ANKS6: variants seen among roughly 807,000 people sequenced by gnomAD.
ANKS6 encodes the protein ankyrin repeat and sterile alpha motif domain containing 6.
In ANKS6, 47 loss-of-function variants were observed where a neutral mutation model predicts 77.9. The observed-to-expected ratio is 0.60, with a 90% CI of 0.48 to 0.77. The LOEUF (loss-of-function observed/expected upper bound fraction) is 0.77, where lower values mean the gene tolerates loss of function less well. Ranked by LOEUF, ANKS6 falls within the 30% of genes least tolerant of loss-of-function variation. The probability of loss-of-function intolerance (pLI) is 0.00; values close to 1 mark genes in which losing one functional copy is unlikely to be tolerated. For synonymous variants in ANKS6, 488 were observed against 501.7 expected (o/e 0.97, Z 0.37); for missense variants, 1,150 against 1,159.1 (o/e 0.99, Z 0.11).
chr9:98,770,828 A>G (rs1032522435), intron 10 of ANKS6, 68 bp downstream of exon 10: 76 of 1,287,476 alleles, frequency 5.9e-5, no homozygotes, highest in Non-Finnish European at 7.1e-5. Flanking sequence ...CTGAATATCC[A>G]GGCAGTGCAC....
In ANKS6 at chr9:98,770,999, G is replaced by A. The variant is rs1203442821; in HGVS notation, c.1869C>T (p.Ala623=). ...VKFPSLPRSP[A]SSANSGNFNH... ...TGAAGTTTCCAGAATTGGCAGAAGAGGCTGGGCTTCTGGGGAGGCTTGGAA... is the reference window on the plus strand; with the variant it reads ...TGAAGTTTCCAGAATTGGCAGAAGAAGCTGGGCTTCTGGGGAGGCTTGGAA... Residue 623 remains alanine, a synonymous_variant, in exon 10 of 15, where the codon GCC becomes GCT. Transcript: ENST00000353234. 1 of 1,596,894 alleles carries A rather than the reference G, an allele frequency of 6.3e-7. No homozygotes were observed. Among genetic ancestry groups the A allele is most frequent in the Non-Finnish European group, 8.5e-7 (1 of 1,171,620 alleles).
intron 10 of ANKS6, among the ~76,000 whole-genome samples, chr9:98,770,621 C>G (rs1339205274): frequency 6.6e-6 from 1 of 152,066 alleles, no homozygotes; most frequent in Non-Finnish European, 1.5e-5. Flanking sequence ...ATGAAAACAT[C>G]ATGCACTTCC....
At chr9:98,773,495 C>T (rs1001761100) in intron 9 of ANKS6, among the ~76,000 whole-genome samples, 2 of 152,162 alleles carry the variant, frequency 1.3e-5, no homozygotes, top group Non-Finnish European at 1.5e-5. Context: ...ACAGAGTTGC[C>T]GCTGAGTGTT....
intron 10 of ANKS6, among the ~76,000 whole-genome samples, chr9:98,768,590 C>T (rs992642162): frequency 2.0e-5 from 3 of 152,214 alleles, no homozygotes; most frequent in Non-Finnish European, 2.9e-5. Context: ...CCCACAGAAG[C>T]CCCTCTGCAG....
intron 10 of ANKS6, 30 bp downstream of exon 10, chr9:98,770,866 C>A: frequency 7.1e-7 from 1 of 1,405,892 alleles, no homozygotes; most frequent in Non-Finnish European, 9.3e-7. Context: ...ATCACCCCAC[C>A]TCCCTGAGTG....
chr9:98,738,142 A>C (rs1831603772), intron 14 of ANKS6, among the ~76,000 whole-genome samples: 1 of 152,262 alleles, frequency 6.6e-6, no homozygotes, highest in Admixed American at 6.5e-5. Flanking sequence ...CTAGAAGGTA[A>C]CATTGGAAAA....
Position 98,768,262 on chromosome 9 carries a change from C to A in ANKS6, c.1973-12G>T. 6.2e-7 allele frequency: 1 copy of A among 1,613,734 alleles called. No individual in the cohort carries two copies. Among genetic ancestry groups the A allele is most frequent in the Non-Finnish European group, 8.5e-7 (1 of 1,180,006 alleles). On this transcript the variant is annotated splice_polypyrimidine_tract_variant and intron_variant, in intron 10 of 14. Transcript: ENST00000353234. ...GTCTATGCTGCCACCTGAGGAAACA[C>A]AAAATGAGTGAACACCATGGGCACA...
intron 11 of ANKS6, among the ~76,000 whole-genome samples, chr9:98,758,949 C>T (rs570009177): frequency 5.3e-5 from 8 of 152,180 alleles, no homozygotes; most frequent in African/African-American, 1.4e-4. Flanking sequence ...ACTCAACATA[C>T]GATTTTCTCC....
Position 98,732,805 on chromosome 9 carries a change from G to C in ANKS6, c.*3714C>G. 7.5e-7 allele frequency: 1 copy of C among 1,328,308 alleles called. No homozygotes were observed. The highest frequency in any genetic ancestry group is 1.9e-5 in the South Asian group (1 of 53,672). The allele number at this position is 1,328,308 out of a possible 1,614,324, so 82.3% of individuals were successfully genotyped here. ...GTCCAGTGCTCTTTCCAGGGTAACAGGTTGCTTCTACTCATTTTAAAGGAC... is the reference window on the plus strand; with the variant it reads ...GTCCAGTGCTCTTTCCAGGGTAACACGTTGCTTCTACTCATTTTAAAGGAC... On this transcript the variant is annotated 3_prime_UTR_variant, in exon 15 of 15. Transcript: ENST00000353234.
rs1832708732 is a variant in ANKS6, at chr9:98,756,436, GCCACTGCTGGAGCCC to G, written c.2295_2309del (p.Gly766_Gly770del). The G allele has an allele frequency of 6.2e-7, 1 of 1,613,134 alleles. No homozygotes were observed. Among genetic ancestry groups the G allele is most frequent in the Non-Finnish European group, 8.5e-7 (1 of 1,179,566 alleles). ...GGGACTCACCCTCATCTGTGATGGT[GCCACTGCTGGAGCCC>G]CCACTGCTCTTGGACTGCCGATGGG... On this transcript the variant is annotated inframe_deletion, in exon 12 of 15. Transcript: ENST00000353234.
At chr9:98,792,597 A>G (rs1834960910) in intron 1 of ANKS6, among the ~76,000 whole-genome samples, 2 of 152,258 alleles carry the variant, frequency 1.3e-5, no homozygotes, top group African/African-American at 4.8e-5. Context: ...CATTTCTAAA[A>G]GATTACACTA....
intron 6 of ANKS6, among the ~76,000 whole-genome samples, chr9:98,779,809 G>A (rs528781631): frequency 0.021 from 3,154 of 151,970 alleles, 108 homozygotes; most frequent in African/African-American, 0.071. Flanking sequence ...GACTACAGGC[G>A]TGCGCCACCA....
chr9:98,790,466 C>T lies in ANKS6; in HGVS notation c.500G>A (p.Gly167Asp). Residue 167 changes from glycine to aspartate, a missense_variant, in exon 2 of 15, where the codon GGT (glycine) becomes GAT (aspartate). Gly to Asp is a moderately conservative substitution (Grantham distance 94). Coordinates refer to ENST00000353234, the MANE Select transcript of ANKS6 (RefSeq NM_173551.5). ...AGGGTGGTGATGGTCCACAAAGGCA[C>T]CGGCTTCCAGGAGCAGCTTCACCAC... ...LGVVKLLLEA[G>D]AFVDHHHPSG... 1.2e-6 allele frequency: 2 copies of T among 1,613,754 alleles called. No homozygotes were observed. Among genetic ancestry groups the T allele is most frequent in the Non-Finnish European group, 8.5e-7 (1 of 1,179,990 alleles).
At chr9:98,795,505 C>T (rs544665397) in intron 1 of ANKS6, among the ~76,000 whole-genome samples, 2 of 152,166 alleles carry the variant, frequency 1.3e-5, no homozygotes, top group Non-Finnish European at 2.9e-5. Flanking sequence ...CTCATACATT[C>T]TACGCATACC....
At chr9:98,739,585 C>T (rs78295289) in intron 14 of ANKS6, among the ~76,000 whole-genome samples, 6,693 of 152,102 alleles carry the variant, frequency 0.044, 208 homozygotes, top group Middle Eastern at 0.082. Flanking sequence ...GATTAGAAGG[C>T]CTCAGACACA....
intron 14 of ANKS6, among the ~76,000 whole-genome samples, chr9:98,742,436 GCA>G (rs1240851525): frequency 1.3e-5 from 2 of 152,206 alleles, no homozygotes; most frequent in African/African-American, 4.8e-5. Context: ...TTAAAATAAT[GCA>G]GCAGAAGTTA....
Position 98,747,495 on chromosome 9 carries a change from G to C in ANKS6, c.2395-1820C>G, listed in dbSNP as rs971627045. ...AGGCACCCCCACCTCTCTGGCAACAGTAAGCTCCTGGCATCTCCTGGGTGT... is the reference window on the plus strand; with the variant it reads ...AGGCACCCCCACCTCTCTGGCAACACTAAGCTCCTGGCATCTCCTGGGTGT... On this transcript the variant is annotated intron_variant, in intron 13 of 14. Coordinates refer to ENST00000353234, the MANE Select transcript of ANKS6 (RefSeq NM_173551.5). Among the ~76,000 whole-genome samples, 4 of 152,226 alleles carry C rather than the reference G, an allele frequency of 2.6e-5. No homozygotes were observed. The South Asian group carries it at 8.3e-4, about 32-fold the overall frequency.
intron 12 of ANKS6, among the ~76,000 whole-genome samples, chr9:98,755,585 A>T (rs1297599134): frequency 6.6e-6 from 1 of 152,172 alleles, no homozygotes; most frequent in Non-Finnish European, 1.5e-5. Flanking sequence ...AGCAGACATC[A>T]ACTGCTTTTG....
chr9:98,770,380 T>C (rs1194004229), intron 10 of ANKS6, among the ~76,000 whole-genome samples: 2 of 152,180 alleles, frequency 1.3e-5, no homozygotes, highest in Non-Finnish European at 2.9e-5. Flanking sequence ...TACAGTGGCC[T>C]TCCTGCAAAG....
Sources: gnomAD v4.1 joint callset for allele counts (sites outside exome capture counted in the v4.1 genomes callset) on GRCh38, gnomAD v4.1.1 for gene constraint, MANE v1.5 for transcripts, NCBI Gene and HGNC (gene_info 2026-07-23, HGNC 2026-07-21) for gene names.